SKOR2: variants seen among roughly 807,000 people sequenced by gnomAD.
SKOR2 encodes the protein LBX1 corepressor 1-like protein.
SKOR2 carries 47 observed loss-of-function variants against 69.1 expected under a neutral mutation model. The ratio of observed to expected loss-of-function variants is 0.68; its 90% CI spans 0.54 to 0.87. The LOEUF is 0.87. Among genes scored for constraint, SKOR2 ranks in the 40% least tolerant of loss-of-function variants. The pLI, the probability that SKOR2 is intolerant of heterozygous loss-of-function variation, is 0.00. For missense variants in SKOR2, 1,404 were observed against 1,472.2 expected (o/e 0.95, Z 0.76); for synonymous variants, 717 against 672.6 (o/e 1.07, Z -1.02).
At position 47,230,956 on chromosome 18, in the gene SKOR2, C is replaced by T. The variant is rs935662026; in HGVS notation, c.2797G>A (p.Asp933Asn). ...ETNSPHSLKK[D>N]VENMGKEELQ... is the part of the protein sequence containing the mutation. ...TTACCTTTCCCCATATTTTCTACAT[C>T]CTTTTTCAGTGAATGAGGTGAGTTG... The change falls in exon 5 of 9, where the codon GAT becomes AAT. Residue 933 changes from aspartate (D) to asparagine (N), a missense_variant. Asp to Asn is a conservative substitution (Grantham distance 23). Coordinates refer to ENST00000425639, the MANE Select transcript of SKOR2 (RefSeq NM_001278063.4). 6.7e-7 allele frequency: 1 copy of T among 1,490,808 alleles called. No homozygotes were observed. The highest frequency in any genetic ancestry group is 2.7e-5 in the East Asian group (1 of 37,688). 92.3% of individuals were successfully genotyped at this position (1,490,808 alleles called of 1,614,324 possible). A position where few individuals can be genotyped will look rare whatever the true frequency, so the allele number is the denominator to read the frequency against.
At position 47,206,292 on chromosome 18, in the gene SKOR2, T is replaced by C. The variant is rs570233528; in HGVS notation, c.*604A>G. On this transcript the variant is annotated 3_prime_UTR_variant, in exon 9 of 9. Transcript: ENST00000425639. The stretch of plus-strand genomic sequence containing the variant: ...CTTAATTACACTCAATATTAAACTG[T>C]AAAATATTTCCAAAGGAATACAATC... The C allele has an allele frequency of 6.6e-6, 1 of 152,240 alleles. No individual in the cohort carries two copies. Among genetic ancestry groups the C allele is most frequent in the South Asian group, 2.1e-4 (1 of 4,824 alleles). The allele number at this position is 152,240 out of a possible 1,614,324, so 9.4% of individuals were successfully genotyped here. A position where few individuals can be genotyped will look rare whatever the true frequency, so the allele number is the denominator to read the frequency against.
intron 6 of SKOR2, among the ~76,000 whole-genome samples, chr18:47,225,564 TGG>T (rs1298022985): frequency 6.6e-6 from 1 of 152,046 alleles, no homozygotes; most frequent in African/African-American, 2.4e-5. Context: ...ATTTACAATG[TGG>T]GTTGGGGGAG....
At chr18:47,211,505 T>C (rs1207258104) in intron 8 of SKOR2, among the ~76,000 whole-genome samples, 1 of 152,212 alleles carries the variant, frequency 6.6e-6, no homozygotes, top group Non-Finnish European at 1.5e-5. Context: ...TGCTTTTCCT[T>C]AAGAGTCCAA....
At chr18:47,231,775 G>A (rs905328237) in intron 4 of SKOR2, among the ~76,000 whole-genome samples, 18 of 151,548 alleles carry the variant, frequency 1.2e-4, no homozygotes, top group African/African-American at 3.9e-4. Context: ...CCCGGGAGGC[G>A]GAGGTTGCGG....
At chr18:47,230,283 T>C (rs1053422896) in intron 6 of SKOR2, among the ~76,000 whole-genome samples, 176 bp downstream of exon 6, 1 of 152,126 alleles carries the variant, frequency 6.6e-6, no homozygotes, top group Non-Finnish European at 1.5e-5. Context: ...AGAAATTTTA[T>C]CTGTGAGTCA....
At chr18:47,238,567 C>T (rs2064235634) in intron 4 of SKOR2, among the ~76,000 whole-genome samples, 1 of 152,152 alleles carries the variant, frequency 6.6e-6, no homozygotes, top group African/African-American at 2.4e-5. Flanking sequence ...AGGCAATCCA[C>T]CTGCCTCAGC....
chr18:47,223,387 C>T (rs1257516244), intron 6 of SKOR2, among the ~76,000 whole-genome samples: 1 of 152,088 alleles, frequency 6.6e-6, no homozygotes. Flanking sequence ...ACATGCTGTT[C>T]CAAAGATGGG....
In SKOR2 at chr18:47,247,546, A is replaced by G. The variant is rs2064285638; in HGVS notation, c.1638T>C (p.Pro546=). The change falls in exon 2 of 9, where the codon CCT becomes CCC. Residue 546 remains proline, a synonymous_variant. Coordinates refer to ENST00000425639, the MANE Select transcript of SKOR2 (RefSeq NM_001278063.4). The surrounding 1 kb of genome is among the most constrained non-coding windows in gnomAD (Gnocchi z 6.6). ...CGCGAGAGCCGGCGCCCCCGGCAGG[A>G]GGAGGTGGGCCGGAGCCCGGGCCGT... ...VANGPGSGPP[P]PAGGAGSRDA... 3 of 1,220,814 alleles carry G rather than the reference A, an allele frequency of 2.5e-6. No homozygotes were observed. Among genetic ancestry groups the G allele is most frequent in the African/African-American group, 1.6e-5 (1 of 63,226 alleles). The allele number at this position is 1,220,814 out of a possible 1,614,324, so 75.6% of individuals were successfully genotyped here.
chr18:47,238,651 A>G (rs1482889904), intron 4 of SKOR2, among the ~76,000 whole-genome samples: 1 of 152,194 alleles, frequency 6.6e-6, no homozygotes, highest in African/African-American at 2.4e-5. Context: ...ATTTTAGTTT[A>G]AGACTGTGTC....
intron 6 of SKOR2, among the ~76,000 whole-genome samples, chr18:47,225,686 G>A (rs1357850598): frequency 1.3e-5 from 2 of 152,284 alleles, no homozygotes; most frequent in Middle Eastern, 3.4e-3. Context: ...AGAGTGGAAA[G>A]GCTTCTTGGA....
intron 6 of SKOR2, among the ~76,000 whole-genome samples, chr18:47,229,141 G>A (rs1207272634): frequency 1.3e-5 from 2 of 152,198 alleles, no homozygotes; most frequent in East Asian, 3.9e-4. Context: ...TTGTGCCAGT[G>A]ATTACATTTA....
Position 47,249,155 on chromosome 18 carries a change from T to C in SKOR2, c.29A>G (p.Asn10Ser). 6 of 1,535,470 alleles carry C rather than the reference T, an allele frequency of 3.9e-6. No homozygotes were observed. Among genetic ancestry groups the C allele is most frequent in the Non-Finnish European group, 5.2e-6 (6 of 1,146,538 alleles). The change falls in exon 2 of 9, where the codon AAC becomes AGC. Residue 10 changes from asparagine (N) to serine (S), a missense_variant. Physicochemically the swap from Asn to Ser is conservative, Grantham distance 46. Around this residue, in one of 3 missense-constraint regions of SKOR2, gnomAD observed 104 missense variants for 95.7 expected, o/e 1.09. Coordinates refer to ENST00000425639, the MANE Select transcript of SKOR2 (RefSeq NM_001278063.4). MASSPLPGPNDILLASPSSA... is the reference protein window; with the variant it reads MASSPLPGPSDILLASPSSA... ...CGACGGCGACGCCAGCAGGATGTCG[T>C]TGGGCCCTGGCAGCGGACTGGAAGC... is the stretch of plus-strand genomic sequence containing the variant.
chr18:47,239,577 G>A (rs562464620), intron 4 of SKOR2, among the ~76,000 whole-genome samples: 3 of 152,268 alleles, frequency 2.0e-5, no homozygotes, highest in South Asian at 2.1e-4. Context: ...AGTGCGTCTC[G>A]AGTTCATTTA....
At chr18:47,227,566 A>T (rs529523576) in intron 6 of SKOR2, among the ~76,000 whole-genome samples, 1 of 152,134 alleles carries the variant, frequency 6.6e-6, no homozygotes, top group South Asian at 2.1e-4. Context: ...CCTGACCTCA[A>T]GTGATCTGCC....
rs1036126734 is a variant in SKOR2, at chr18:47,247,901, C to T, written c.1283G>A (p.Gly428Asp). 11 of 1,365,488 alleles carry T rather than the reference C, an allele frequency of 8.1e-6. No homozygotes were observed. Among genetic ancestry groups the T allele is most frequent in the African/African-American group, 1.5e-5 (1 of 65,342 alleles). 84.6% of individuals were successfully genotyped at this position (1,365,488 alleles called of 1,614,324 possible). Residue 428 changes from glycine to aspartate, a missense_variant, in exon 2 of 9, where the codon GGT (glycine) becomes GAT (aspartate). Gly to Asp is a moderately conservative substitution (Grantham distance 94). Coordinates refer to ENST00000425639, the MANE Select transcript of SKOR2 (RefSeq NM_001278063.4). The surrounding 1 kb of genome is among the most constrained non-coding windows in gnomAD (Gnocchi z 6.6). ...FSLCHKKEDA[G>D]AAAEALGGAG... The stretch of plus-strand genomic sequence containing the variant: ...GCCCCCCAGGGCCTCAGCGGCGGCA[C>T]CCGCATCCTCTTTCTTATGGCACAA...
Position 47,248,680 on chromosome 18 carries a change from G to C in SKOR2, c.504C>G (p.Arg168=). The change falls in exon 2 of 9, where the codon CGC becomes CGG. Residue 168 remains arginine (R), a synonymous_variant. Transcript: ENST00000425639. The surrounding 1 kb of genome is among the most constrained non-coding windows in gnomAD (Gnocchi z 6.4). ...AGTAGCTGCATTTGATGCACTTGGC[G>C]CGCGAGCTGTTGTAGCGCGCGGGAA... ...SFIPARYNSS[R]AKCIKCSYCN... 1 of 1,566,292 alleles carries C rather than the reference G, an allele frequency of 6.4e-7. No individual in the cohort carries two copies. The highest frequency in any genetic ancestry group is 8.6e-7 in the Non-Finnish European group (1 of 1,161,958).
chr18:47,217,563 T>C (rs967794446), intron 7 of SKOR2, among the ~76,000 whole-genome samples: 1 of 152,148 alleles, frequency 6.6e-6, no homozygotes, highest in African/African-American at 2.4e-5. Flanking sequence ...CAGGGAAATT[T>C]GGAAAAGAAT....
At chr18:47,239,152 A>C (rs369357919) in intron 4 of SKOR2, among the ~76,000 whole-genome samples, 1 of 152,240 alleles carries the variant, frequency 6.6e-6, no homozygotes, top group East Asian at 1.9e-4. Context: ...AATACAGCAC[A>C]ACATATGGCA....
chr18:47,217,251 T>G (rs2144482513), intron 7 of SKOR2, among the ~76,000 whole-genome samples: 1 of 152,350 alleles, frequency 6.6e-6, no homozygotes, highest in East Asian at 1.9e-4. Flanking sequence ...CACATTGGCA[T>G]AGCATATTAT....
Sources: allele counts gnomAD v4.1 joint callset (sites outside exome capture counted in the v4.1 genomes callset), GRCh38; gene constraint gnomAD v4.1.1; regional missense constraint gnomAD v4.1.1; non-coding constraint Gnocchi (gnomAD v3.1); transcripts MANE v1.5; gene names NCBI Gene and HGNC (gene_info 2026-07-23, HGNC 2026-07-21).